ANKRD42: variants seen among roughly 807,000 people sequenced by gnomAD.
The protein encoded by ANKRD42 is ankyrin repeat domain 42.
ANKRD42 carries 43 observed loss-of-function variants against 51.5 expected under a neutral mutation model. That is an observed-to-expected ratio of 0.83 (90% CI 0.65 to 1.08). The LOEUF is 1.08. ANKRD42 is among the 50% of genes least tolerant of loss of function. The probability of loss-of-function intolerance (pLI) is 0.00; values close to 1 mark genes in which losing one functional copy is unlikely to be tolerated. For synonymous variants in ANKRD42, 203 were observed against 213.0 expected, an observed-to-expected ratio of 0.95 and a Z score of 0.41; for missense variants, 608 against 629.3, an observed-to-expected ratio of 0.97 and a Z score of 0.36.
intron 5 of ANKRD42, chr11:83,212,704 A>C (rs1215631705): frequency 6.5e-7 from 1 of 1,536,046 alleles, no homozygotes; most frequent in East Asian, 2.4e-5. Flanking sequence ...GGCATGCTGG[A>C]CTTACATAAT....
chr11:83,247,624 C>G (rs1863582867), intron 10 of ANKRD42, among the ~76,000 whole-genome samples: 1 of 152,178 alleles, frequency 6.6e-6, no homozygotes. Context: ...CTCTTTCCTG[C>G]TTTATTTTTG....
chr11:83,254,430 C>CTTTTTTTTTTTT (rs778427623), intron 11 of ANKRD42, among the ~76,000 whole-genome samples: 2 of 130,412 alleles, frequency 1.5e-5, no homozygotes. Context: ...TTTCTTTTTT[C>CTTTTTTTTTTTT]TTTTCTTTTT....
In ANKRD42 at chr11:83,193,826, C is replaced by T. The variant is rs1038470967; in HGVS notation, c.-845C>T. ...GAAGGCGGCCGCCGCTACGGCGATT[C>T]GCAGGGAGTAGCAGACGAAGACGGT... On this transcript the variant is annotated 5_prime_UTR_variant, in exon 1 of 11. Coordinates refer to ENST00000533342, the MANE Select transcript of ANKRD42 (RefSeq NM_001300975.2). 6.6e-6 allele frequency: 3 copies of T among 455,270 alleles called. No individual in the cohort carries two copies. The highest frequency in any genetic ancestry group is 3.1e-5 in the South Asian group (2 of 64,494). 28.2% of individuals were successfully genotyped at this position (455,270 alleles called of 1,614,324 possible).
chr11:83,235,529 T>C (rs968897330), intron 7 of ANKRD42, among the ~76,000 whole-genome samples: 1 of 152,244 alleles, frequency 6.6e-6, no homozygotes, highest in African/African-American at 2.4e-5. Flanking sequence ...TTAAAAGTAT[T>C]CATTCACTCA....
chr11:83,219,456 C>G (rs1862645514), intron 5 of ANKRD42, among the ~76,000 whole-genome samples: 1 of 152,180 alleles, frequency 6.6e-6, no homozygotes, highest in Non-Finnish European at 1.5e-5. Context: ...AAGGAGAAAT[C>G]TCTGAATTAG....
chr11:83,248,066 A>G lies in ANKRD42; in HGVS notation c.1446A>G (p.Gln482=), dbSNP rs1591012765. 6.3e-7 allele frequency: 1 copy of G among 1,590,510 alleles called. No homozygotes were observed. Among genetic ancestry groups the G allele is most frequent in the South Asian group, 1.1e-5 (1 of 87,976 alleles). The change falls in exon 11 of 11, where the codon CAA becomes CAG. Residue 482 remains glutamine (Q), a synonymous_variant. Coordinates refer to ENST00000533342, the MANE Select transcript of ANKRD42 (RefSeq NM_001300975.2). The stretch of plus-strand genomic sequence containing the variant: ...TCAGGGAAACACTGGAAAAAATTCA[A>G]GTCCCAAACTTTGTGGCTATGGTTG... The part of the protein sequence containing the change: ...DQLRETLEKI[Q]VPNFVAMVGV...
intron 2 of ANKRD42, among the ~76,000 whole-genome samples, chr11:83,199,573 C>G (rs972878103): frequency 9.2e-5 from 14 of 151,882 alleles, no homozygotes; most frequent in Admixed American, 1.3e-4. Flanking sequence ...CTAGTACTAA[C>G]TGCTTAGTGA....
intron 8 of ANKRD42, 31 bp from the exon 9 acceptor site, chr11:83,240,728 G>A: frequency 1.9e-6 from 3 of 1,611,142 alleles, no homozygotes; most frequent in Non-Finnish European, 2.5e-6. Context: ...GAAGATTGTG[G>A]ATCTGGTTAG....
chr11:83,256,549 A>T (rs542002655), downstream of ANKRD42, among the ~76,000 whole-genome samples: 1 of 151,388 alleles, frequency 6.6e-6, no homozygotes, highest in South Asian at 2.1e-4. Context: ...CTTTTTTCCT[A>T]CCCCCCTCTC....
At chr11:83,228,933 AGTTTTTTTT>A (rs1291783508) in intron 7 of ANKRD42, among the ~76,000 whole-genome samples, 6 of 129,138 alleles carry the variant, frequency 4.6e-5, no homozygotes, top group South Asian at 2.7e-4. Context: ...ATGTACCTAA[AGTTTTTTTT>A]GTTTTTTTTT....
chr11:83,242,567 G>GTTTTTTTTTTGTTTGTTTGTTTTTTTTT (rs770772334), intron 9 of ANKRD42, among the ~76,000 whole-genome samples: 6 of 115,546 alleles, frequency 5.2e-5, no homozygotes, highest in African/African-American at 2.1e-4. Flanking sequence ...TGGTAGTTAA[G>GTTTTTTTTTTGTTTGTTTGTTTTTTTTT]TTTTTTTTTT....
chr11:83,196,355 C>A (rs1221519972), intron 1 of ANKRD42, among the ~76,000 whole-genome samples: 1 of 151,688 alleles, frequency 6.6e-6, no homozygotes, highest in East Asian at 1.9e-4. Flanking sequence ...CCTATTTATC[C>A]CCTTAATACT....
At chr11:83,263,448 T>G (rs1361058373), downstream of ANKRD42, among the ~76,000 whole-genome samples, 1 of 152,218 alleles carries the variant, frequency 6.6e-6, no homozygotes, top group Non-Finnish European at 1.5e-5. Flanking sequence ...CTATACCCTG[T>G]CTAGGGAGAC....
At chr11:83,228,277 G>GTCT (rs1263890362) in intron 7 of ANKRD42, among the ~76,000 whole-genome samples, 4 of 106,370 alleles carry the variant, frequency 3.8e-5, no homozygotes, top group Non-Finnish European at 5.2e-5. Flanking sequence ...TTTAGACCGG[G>GTCT]TCTGGTTCTG....
In ANKRD42 at chr11:83,236,459, C is replaced by T; in HGVS notation, c.969C>T (p.Asp323=). The T allele has an allele frequency of 6.2e-7, 1 of 1,612,378 alleles. No individual in the cohort carries two copies. Among genetic ancestry groups the T allele is most frequent in the Non-Finnish European group, 8.5e-7 (1 of 1,179,432 alleles). Residue 323 remains aspartate (D), a synonymous_variant, in exon 8 of 11, where the codon GAC becomes GAT. Coordinates refer to ENST00000533342, the MANE Select transcript of ANKRD42 (RefSeq NM_001300975.2). ...AGTGGTTAATTAAAATGGGAGCAGA[C>T]AGTAATATTACCAACAAAGCAGGGG... ...CLQWLIKMGA[D]SNITNKAGER... is the part of the protein sequence containing the mutation.
intron 8 of ANKRD42, among the ~76,000 whole-genome samples, chr11:83,240,130 A>C (rs1025865789): frequency 1.3e-5 from 2 of 152,212 alleles, no homozygotes; most frequent in African/African-American, 2.4e-5. Flanking sequence ...CAGTTAGCAA[A>C]ATTGCGGAAA....
chr11:83,261,909 T>A (rs1276717994), downstream of ANKRD42: 3 of 1,601,438 alleles, frequency 1.9e-6, no homozygotes, highest in Admixed American at 5.1e-5. Flanking sequence ...TGAGCATTAA[T>A]ACTACTTCCA....
intron 5 of ANKRD42, chr11:83,213,124 T>TA: frequency 6.2e-7 from 1 of 1,601,572 alleles, no homozygotes; most frequent in Non-Finnish European, 8.5e-7. Flanking sequence ...AACCCAGAGG[T>TA]ATTGACAACA....
intron 7 of ANKRD42, among the ~76,000 whole-genome samples, chr11:83,231,634 A>G (rs186991672): frequency 2.0e-5 from 3 of 152,336 alleles, no homozygotes; most frequent in East Asian, 3.9e-4. Context: ...GCCCAGACCA[A>G]TGTCCTGGAG....
Sources: gnomAD v4.1 joint callset for allele counts (sites outside exome capture counted in the v4.1 genomes callset) on GRCh38, gnomAD v4.1.1 for gene constraint, MANE v1.5 for transcripts, NCBI Gene and HGNC (gene_info 2026-07-23, HGNC 2026-07-21) for gene names.